PANK3: variants seen among roughly 807,000 people sequenced by gnomAD.
PANK3 encodes pantothenate kinase 3, also known as hPanK3.
A neutral mutation model predicts 39.4 loss-of-function variants in PANK3; 20 were observed. The ratio of observed to expected loss-of-function variants is 0.51; its 90% confidence interval spans 0.36 to 0.74. The LOEUF is 0.74. Among genes scored for constraint, PANK3 ranks in the 30% least tolerant of loss-of-function variants. The pLI, the probability that PANK3 is intolerant of heterozygous loss-of-function variation, is 0.00. For synonymous variants in PANK3, 140 were observed against 157.3 expected, an observed-to-expected ratio of 0.89 and a Z score of 0.82; for missense variants, 265 against 437.0, an observed-to-expected ratio of 0.61 and a Z score of 3.51.
At chr5:168,574,199 T>A (rs1403413287) in intron 1 of PANK3, among the ~76,000 whole-genome samples, 1 of 149,842 alleles carries the variant, frequency 6.7e-6, no homozygotes, top group Non-Finnish European at 1.5e-5. Flanking sequence ...GACTTTTTAA[T>A]GATTGCCATT....
chr5:168,570,703 T>C (rs1305267463), intron 1 of PANK3, among the ~76,000 whole-genome samples: 2 of 152,166 alleles, frequency 1.3e-5, no homozygotes, highest in East Asian at 3.9e-4. Context: ...TCTAAGGAAA[T>C]AGATGAAGGA....
chr5:168,568,253 A>AG (rs1759566863), intron 2 of PANK3, among the ~76,000 whole-genome samples: 1 of 152,246 alleles, frequency 6.6e-6, no homozygotes, highest in Non-Finnish European at 1.5e-5. Context: ...GGGTTTGGGA[A>AG]GGAGATGGCC....
At chr5:168,564,800 G>C (rs2113116278) in intron 3 of PANK3, among the ~76,000 whole-genome samples, 1 of 152,244 alleles carries the variant, frequency 6.6e-6, no homozygotes, top group East Asian at 1.9e-4. Context: ...GCCTGACATG[G>C]ATGAAATCAA....
rs1282717328 is a variant in PANK3, at chr5:168,550,851, TA to T, written c.*6719del. 3.3e-5 allele frequency: 5 copies of T among 152,154 alleles called. No individual in the cohort carries two copies. The highest frequency in any genetic ancestry group is 1.2e-4 in the African/African-American group (5 of 41,446). The allele number at this position is 152,154 out of a possible 1,614,324, so 9.4% of individuals were successfully genotyped here. Reference sequence around the variant, plus strand: ...AACTCCCTCATTTTACAAATAAAAATAATGTTCAAAGAGGCAAGACCAGTGA... The same window carrying T: ...AACTCCCTCATTTTACAAATAAAAATATGTTCAAAGAGGCAAGACCAGTGA... On this transcript the variant is annotated 3_prime_UTR_variant, in exon 7 of 7. Transcript: ENST00000239231.
chr5:168,575,453 G>GAAA (rs1759716221), intron 1 of PANK3, among the ~76,000 whole-genome samples: 2 of 116,000 alleles, frequency 1.7e-5, no homozygotes, highest in Non-Finnish European at 3.5e-5. Context: ...TAAGGAAGCA[G>GAAA]AGAACACTAA....
chr5:168,565,868 A>ATATATATATATATATATATATATAT (rs1554125712), intron 3 of PANK3, 145 bp downstream of exon 3: 2 of 131,386 alleles, frequency 1.5e-5, no homozygotes, highest in Admixed American at 1.0e-4. Context: ...AAAAAAAAAA[A>ATATATATATATATATATATATATAT]ATATATATAT....
At position 168,557,532 on chromosome 5, in the gene PANK3, T is replaced by C. The variant is rs767483914; in HGVS notation, c.*39A>G. The C allele has an allele frequency of 6.3e-7, 1 of 1,588,512 alleles. No individual in the cohort carries two copies. Among genetic ancestry groups the C allele is most frequent in the East Asian group, 2.2e-5 (1 of 44,738 alleles). On this transcript the variant is annotated 3_prime_UTR_variant, in exon 7 of 7. Transcript: ENST00000239231. ...ATAATGCCTCTGGTTTTAGTTCCTC[T>C]TGGATGACATTTATTAGCAGAGAGA...
chr5:168,573,763 C>A (rs1054215556), intron 1 of PANK3, among the ~76,000 whole-genome samples: 3 of 146,498 alleles, frequency 2.0e-5, no homozygotes, highest in African/African-American at 7.6e-5. Flanking sequence ...TGAGAATATG[C>A]GGTGTTTGGT....
At chr5:168,559,452 C>A (rs1327555430) in intron 5 of PANK3, among the ~76,000 whole-genome samples, 2 of 152,092 alleles carry the variant, frequency 1.3e-5, no homozygotes, top group African/African-American at 4.8e-5. Flanking sequence ...AACACATGAT[C>A]ACTCTACTAT....
chr5:168,565,885 A>ATATATATATATATATATATATATATTTTT, intron 3 of PANK3, 128 bp downstream of exon 3: 1 of 192,934 alleles, frequency 5.2e-6, no homozygotes, highest in African/African-American at 2.7e-5. Flanking sequence ...ATATATATAT[A>ATATATATATATATATATATATATATTTTT]TTTTTTTTTT....
At chr5:168,579,104 G>A in intron 1 of PANK3, 152 bp downstream of exon 1, 1 of 578,598 alleles carries the variant, frequency 1.7e-6, no homozygotes, top group Non-Finnish European at 2.8e-6. Flanking sequence ...CGGAAGCCTC[G>A]AACTCGTGGC....
At position 168,579,291 on chromosome 5, in the gene PANK3, G is replaced by A. The variant is rs1582471148; in HGVS notation, c.-8C>T. 2 of 1,486,378 alleles carry A rather than the reference G, an allele frequency of 1.3e-6. No homozygotes were observed. Among genetic ancestry groups the A allele is most frequent in the East Asian group, 2.7e-5 (1 of 36,838 alleles). 92.1% of individuals were successfully genotyped at this position (1,486,378 alleles called of 1,614,324 possible). Reference sequence around the variant, plus strand: ...GGCATCTTTGATCTTCATGGCGTCGGCCCGAGGGGCGATGGACGGCCTCCG... The same window carrying A: ...GGCATCTTTGATCTTCATGGCGTCGACCCGAGGGGCGATGGACGGCCTCCG... On this transcript the variant is annotated 5_prime_UTR_variant, in exon 1 of 7. Coordinates refer to ENST00000239231, the MANE Select transcript of PANK3 (RefSeq NM_024594.4).
chr5:168,565,885 A>ATATATATATATTTT (rs1441027360), intron 3 of PANK3, 128 bp downstream of exon 3: 20 of 192,930 alleles, frequency 1.0e-4, no homozygotes, highest in African/African-American at 5.1e-4. Flanking sequence ...ATATATATAT[A>ATATATATATATTTT]TTTTTTTTTT....
At position 168,549,972 on chromosome 5, in the gene PANK3, G is replaced by C. The variant is rs983697635; in HGVS notation, c.*7599C>G. 3 of 152,010 alleles carry C rather than the reference G, an allele frequency of 2.0e-5. No homozygotes were observed. The highest frequency in any genetic ancestry group is 4.4e-5 in the Non-Finnish European group (3 of 68,012). 9.4% of individuals were successfully genotyped at this position (152,010 alleles called of 1,614,324 possible). On this transcript the variant is annotated 3_prime_UTR_variant, in exon 7 of 7. Coordinates refer to ENST00000239231, the MANE Select transcript of PANK3 (RefSeq NM_024594.4). ...TCCCACATCTATCCCCACTCACAAT[G>C]ATCAGAAATAAGAAACAGCTTTTTA...
intron 2 of PANK3, among the ~76,000 whole-genome samples, chr5:168,567,220 T>A (rs1274819207): frequency 6.6e-6 from 1 of 152,234 alleles, no homozygotes; most frequent in Middle Eastern, 3.2e-3. Context: ...GAACATACCA[T>A]ATCAATCTGG....
chr5:168,564,556 C>A (rs897183595), intron 3 of PANK3, among the ~76,000 whole-genome samples: 56 of 152,230 alleles, frequency 3.7e-4, no homozygotes, highest in Non-Finnish European at 1.5e-5. Flanking sequence ...GTTCCAGCCT[C>A]CGCAGCAGCT....
chr5:168,558,135 G>C (rs573425227), intron 6 of PANK3, among the ~76,000 whole-genome samples: 2 of 148,362 alleles, frequency 1.3e-5, no homozygotes, highest in Non-Finnish European at 3.0e-5. Flanking sequence ...TGTGAGCAGT[G>C]ACAATGAGAC....
At position 168,549,236 on chromosome 5, in the gene PANK3, C is replaced by T. The variant is rs1300553476; in HGVS notation, c.*8335G>A. ...TATTGGTGTTACTTCTATAAAGTTACCTTCTGTTTCTAAATGCTGTAAACT... is the reference window on the plus strand; with the variant it reads ...TATTGGTGTTACTTCTATAAAGTTATCTTCTGTTTCTAAATGCTGTAAACT... On this transcript the variant is annotated 3_prime_UTR_variant, in exon 7 of 7. Coordinates refer to ENST00000239231, the MANE Select transcript of PANK3 (RefSeq NM_024594.4). 2 of 152,104 alleles carry T rather than the reference C, an allele frequency of 1.3e-5. No individual in the cohort carries two copies. The highest frequency in any genetic ancestry group is 2.9e-5 in the Non-Finnish European group (2 of 68,030). 9.4% of individuals were successfully genotyped at this position (152,104 alleles called of 1,614,324 possible).
Position 168,579,195 on chromosome 5 carries a change from G to A in PANK3, c.28+61C>T, listed in dbSNP as rs1377648330. On this transcript the variant is annotated intron_variant, in intron 1 of 6. Transcript: ENST00000239231. ...TTGGAAGCCGACCGCCCAGCCAAGG[G>A]GCTTTCAGACGGGGCCCAAGGGTGC... 1.7e-5 allele frequency: 24 copies of A among 1,428,920 alleles called. No individual in the cohort carries two copies. In the East Asian group the frequency reaches 6.6e-4, roughly 39 times the overall value. The allele number at this position is 1,428,920 out of a possible 1,614,324, so 88.5% of individuals were successfully genotyped here.
Sources: gnomAD v4.1 joint callset for allele counts (sites outside exome capture counted in the v4.1 genomes callset) on GRCh38, gnomAD v4.1.1 for gene constraint, MANE v1.5 for transcripts, NCBI Gene and HGNC (gene_info 2026-07-23, HGNC 2026-07-21) for gene names.